C10orf67: variants seen among roughly 807,000 people sequenced by gnomAD.
The protein encoded by C10orf67 is chromosome 10 open reading frame 67.
Under a neutral mutation model 35.6 loss-of-function variants are expected in C10orf67, and 60 were observed. The ratio of observed to expected loss-of-function variants is 1.68; its 90% confidence interval spans 1.37 to 2.09. The LOEUF (loss-of-function observed/expected upper bound fraction) is 2.09, where lower values mean the gene tolerates loss of function less well. Among genes scored for constraint, C10orf67 ranks in the 30% most tolerant of loss-of-function variants. The pLI is 0.00. For synonymous variants in C10orf67, 167 were observed against 115.8 expected (o/e 1.44, Z -2.84); for missense variants, 474 against 330.2 (o/e 1.44, Z -3.38).
intron 2 of C10orf67, among the ~76,000 whole-genome samples, chr10:23,325,228 C>T (rs189960670): frequency 4.4e-4 from 67 of 152,106 alleles, no homozygotes; most frequent in Non-Finnish European, 6.2e-4. Flanking sequence ...GTCTCAGCTA[C>T]TTGGGAGGCT....
intron 4 of C10orf67, among the ~76,000 whole-genome samples, chr10:23,315,820 C>CA (rs796322194): frequency 6.7e-6 from 1 of 148,942 alleles, no homozygotes; most frequent in African/African-American, 2.5e-5. Context: ...TTAAATGCAT[C>CA]TTTTTTTTTT....
At chr10:23,239,877 G>T in intron 12 of C10orf67, 61 bp from the exon 13 acceptor site, 1 of 529,718 alleles carries the variant, frequency 1.9e-6, no homozygotes. Flanking sequence ...AAGCAAATAA[G>T]CATTATGTTA....
Position 23,274,656 on chromosome 10 carries a change from C to G in C10orf67, c.975+7357G>C, listed in dbSNP as rs577635173. On this transcript the variant is annotated intron_variant, in intron 8 of 15. Coordinates refer to ENST00000636213, the MANE Select transcript of C10orf67 (RefSeq NM_001371909.1). ...TGTTATCCTGTTCTTTTTCAGGGTG[C>G]ACTGATTTTATATTGTTCAAATACA... Among the ~76,000 whole-genome samples the G allele has an allele frequency of 5.3e-5, 8 of 152,180 alleles. No homozygotes were observed. The South Asian group carries it at 1.7e-3, about 32-fold the overall frequency.
intron 10 of C10orf67, among the ~76,000 whole-genome samples, chr10:23,256,155 C>T (rs1046897355): frequency 1.1e-4 from 16 of 152,090 alleles, no homozygotes; most frequent in Admixed American, 5.9e-4. Flanking sequence ...CTGTGCACCA[C>T]CATGCCTGGC....
At chr10:23,268,580 A>T (rs531052644) in intron 8 of C10orf67, among the ~76,000 whole-genome samples, 1 of 152,286 alleles carries the variant, frequency 6.6e-6, no homozygotes, top group African/African-American at 2.4e-5. Flanking sequence ...GTCTAATGAC[A>T]TCTTGCAGTC....
intron 13 of C10orf67, among the ~76,000 whole-genome samples, chr10:23,231,272 T>C (rs577682552): frequency 4.1e-4 from 62 of 152,346 alleles, no homozygotes; most frequent in African/African-American, 1.4e-3. Flanking sequence ...GGATCAGACC[T>C]GTGGGACACA....
chr10:23,314,346 G>A (rs1173244943), intron 4 of C10orf67, among the ~76,000 whole-genome samples: 1 of 152,152 alleles, frequency 6.6e-6, no homozygotes, highest in East Asian at 1.9e-4. Flanking sequence ...GTTTGGCCAG[G>A]CACGGTGCCT....
intron 1 of C10orf67, among the ~76,000 whole-genome samples, chr10:23,334,781 G>A (rs962131240): frequency 6.6e-6 from 1 of 152,232 alleles, no homozygotes; most frequent in Non-Finnish European, 1.5e-5. Flanking sequence ...CAGAGGAGAG[G>A]TTTCTTCTTT....
rs980130287 is a variant in C10orf67, at chr10:23,318,976, G to C, written c.546+1765C>G. 1.3e-5 allele frequency: 10 copies of C among 744,672 alleles called. No individual in the cohort carries two copies. In the Admixed American group the frequency reaches 1.5e-4, roughly 11 times the overall value. 46.1% of individuals were successfully genotyped at this position (744,672 alleles called of 1,614,324 possible). ...AAAATGTCAAGCAAAGAAAAAGAAA[G>C]GGTCTTCCATGAGAACCCTTTTTTT... On this transcript the variant is annotated intron_variant, in intron 4 of 15. Coordinates refer to ENST00000636213, the MANE Select transcript of C10orf67 (RefSeq NM_001371909.1).
At chr10:23,258,352 G>A (rs1842659835) in intron 10 of C10orf67, 1 of 164,728 alleles carries the variant, frequency 6.1e-6, no homozygotes. Context: ...GAAGGCCATT[G>A]CAGTCACCAC....
In C10orf67 at chr10:23,236,967, C is replaced by T. The variant is rs148319361; in HGVS notation, c.1434+2762G>A. On this transcript the variant is annotated intron_variant, in intron 13 of 15. Transcript: ENST00000636213. ...GTAAATTGTGTATCATGGGGGTTTGCTGTTCAGATTACTTCATCACCCAGG... is the reference window on the plus strand; with the variant it reads ...GTAAATTGTGTATCATGGGGGTTTGTTGTTCAGATTACTTCATCACCCAGG... Among the ~76,000 whole-genome samples, 36 of 152,276 alleles carry T rather than the reference C, an allele frequency of 2.4e-4. No individual in the cohort carries two copies. In the East Asian group the frequency reaches 5.6e-3, roughly 24 times the overall value.
intron 8 of C10orf67, among the ~76,000 whole-genome samples, chr10:23,273,619 G>C (rs1273948933): frequency 6.6e-6 from 1 of 152,146 alleles, no homozygotes; most frequent in East Asian, 1.9e-4. Flanking sequence ...AGAAACTAAA[G>C]AGACAAGTTA....
intron 7 of C10orf67, among the ~76,000 whole-genome samples, chr10:23,283,283 T>C (rs1457448596): frequency 6.6e-6 from 1 of 152,232 alleles, no homozygotes; most frequent in Non-Finnish European, 1.5e-5. Context: ...CCTTTGTATT[T>C]ACGTTGATCA....
intron 15 of C10orf67, among the ~76,000 whole-genome samples, chr10:23,215,381 C>T (rs891807389): frequency 1.3e-5 from 2 of 151,816 alleles, no homozygotes; most frequent in African/African-American, 2.4e-5. Flanking sequence ...GCAACCTCTG[C>T]CTCCCATGTT....
chr10:23,274,695 G>T (rs1238983395), intron 8 of C10orf67, among the ~76,000 whole-genome samples: 2 of 152,010 alleles, frequency 1.3e-5, no homozygotes, highest in Non-Finnish European at 2.9e-5. Context: ...TTTACAATTT[G>T]TACAGTTAAC....
chr10:23,205,174 G>A (rs1472981400), intron 15 of C10orf67, among the ~76,000 whole-genome samples: 2 of 152,202 alleles, frequency 1.3e-5, no homozygotes, highest in Non-Finnish European at 2.9e-5. Context: ...TTCTGCAGAA[G>A]GGCCTTTCTT....
chr10:23,206,827 A>C (rs760091666), intron 15 of C10orf67, among the ~76,000 whole-genome samples: 5 of 152,204 alleles, frequency 3.3e-5, no homozygotes, highest in African/African-American at 4.8e-5. Flanking sequence ...ATGAAGTGTG[A>C]GTTTATAATT....
In C10orf67 at chr10:23,223,653, G is replaced by A. The variant is rs1441113957; in HGVS notation, c.1515C>T (p.Asp505=). The change falls in exon 15 of 16, where the codon GAC becomes GAT. Residue 505 remains aspartate, a synonymous_variant. Coordinates refer to ENST00000636213, the MANE Select transcript of C10orf67 (RefSeq NM_001371909.1). ...SSSSHCTSSI[D]GKHVDVVSDQ... ...CACTGACTACATCCACATGCTTACC[G>A]TCTATCTGTAAGTGAACCAAAACTT... The A allele has an allele frequency of 1.7e-5, 12 of 717,482 alleles. No homozygotes were observed. Among genetic ancestry groups the A allele is most frequent in the East Asian group, 1.1e-4 (4 of 37,264 alleles). The allele number at this position is 717,482 out of a possible 1,614,324, so 44.4% of individuals were successfully genotyped here.
At chr10:23,237,438 C>T (rs150876172) in intron 13 of C10orf67, among the ~76,000 whole-genome samples, 177 of 152,296 alleles carry the variant, frequency 1.2e-3, no homozygotes, top group African/African-American at 4.1e-3. Context: ...GATATTAAAA[C>T]AAACTTTCAC....
Sources: gnomAD v4.1 joint callset for allele counts (sites outside exome capture counted in the v4.1 genomes callset) on GRCh38, gnomAD v4.1.1 for gene constraint, MANE v1.5 for transcripts, NCBI Gene and HGNC (gene_info 2026-07-23, HGNC 2026-07-21) for gene names.